The following FAAH2 variants were observed in gnomAD, a reference collection of about 807,000 sequenced individuals.
FAAH2 encodes fatty acid amide hydrolase 2.
Under a neutral mutation model 36.9 loss-of-function variants are expected in FAAH2, and 60 were observed. The observed-to-expected ratio is 1.63, with a 90% CI of 1.32 to 2.02. The LOEUF (loss-of-function observed/expected upper bound fraction) is 2.02. FAAH2 is among the 30% of genes most tolerant of loss of function. The pLI is 0.00. For synonymous variants in FAAH2, 214 were observed against 143.8 expected (o/e 1.49, Z -3.49); for missense variants, 689 against 397.5 (o/e 1.73, Z -6.23).
At chrX:57,190,188 T>C in the FAAH2 span, among the ~76,000 whole-genome samples, 1 of 109,627 alleles carries the variant, frequency 9.1e-6, no homozygotes, top group Admixed American at 9.9e-5. Context: ...CTTCCAGGCC[T>C]CCTTAGCGCT....
intron 7 of FAAH2, among the ~76,000 whole-genome samples, chrX:57,399,461 C>T (rs773595504): frequency 6.2e-5 from 7 of 112,009 alleles, no homozygotes; most frequent in Non-Finnish European, 1.1e-4. Flanking sequence ...TTGTGAGGTT[C>T]CCCATTCTCT....
At chrX:57,196,343 C>A in the FAAH2 span, among the ~76,000 whole-genome samples, 1 of 110,516 alleles carries the variant, frequency 9.0e-6, no homozygotes, top group Non-Finnish European at 1.9e-5. Flanking sequence ...TGATTGAGTT[C>A]TTGATTTGAT....
chrX:57,153,575 C>G, the FAAH2 span, among the ~76,000 whole-genome samples: 2 of 112,061 alleles, frequency 1.8e-5, no homozygotes, highest in Admixed American at 9.5e-5. Flanking sequence ...CAAATTCTCT[C>G]AGCTTTTGTT....
the FAAH2 span, among the ~76,000 whole-genome samples, chrX:57,238,891 G>A: frequency 9.0e-6 from 1 of 111,619 alleles, no homozygotes. Context: ...TGCAGTGTTA[G>A]GTTTTCTGTT....
chrX:57,164,210 G>C, the FAAH2 span, among the ~76,000 whole-genome samples: 1 of 112,245 alleles, frequency 8.9e-6, no homozygotes, highest in Non-Finnish European at 1.9e-5. Context: ...GACATACTGT[G>C]GGTACTGCAT....
chrX:57,485,649 T>A (rs1246996627), intron 10 of FAAH2, among the ~76,000 whole-genome samples: 2 of 112,101 alleles, frequency 1.8e-5, no homozygotes, highest in Non-Finnish European at 3.8e-5. Context: ...TTTCTTTAAC[T>A]ACCTTACCTT....
intron 5 of FAAH2, among the ~76,000 whole-genome samples, chrX:57,361,521 T>TC (rs1159649058): frequency 8.9e-6 from 1 of 111,819 alleles, no homozygotes; most frequent in Admixed American, 9.5e-5. Flanking sequence ...TAAGATTTTT[T>TC]CCTAAATTTC....
chrX:57,291,816 A>G (rs899009811), intron 1 of FAAH2, among the ~76,000 whole-genome samples: 6 of 111,508 alleles, frequency 5.4e-5, no homozygotes, highest in African/African-American at 1.6e-4. Context: ...CCCACCCAGG[A>G]TGTTTTACTT....
At chrX:57,323,112 C>G (rs2053084010) in intron 3 of FAAH2, among the ~76,000 whole-genome samples, 1 of 110,775 alleles carries the variant, frequency 9.0e-6, no homozygotes, top group African/African-American at 3.3e-5. Context: ...CAACAGTTTG[C>G]TGAGAATGAT....
intron 10 of FAAH2, among the ~76,000 whole-genome samples, chrX:57,478,274 T>C (rs1053239630): frequency 8.9e-6 from 1 of 111,842 alleles, no homozygotes; most frequent in African/African-American, 3.3e-5. Flanking sequence ...TTTTTTGGCT[T>C]CATAAATGTC....
chrX:57,355,110 G>A, intron 5 of FAAH2, among the ~76,000 whole-genome samples: 1 of 110,536 alleles, frequency 9.0e-6, no homozygotes, highest in Non-Finnish European at 1.9e-5. Flanking sequence ...ATGCACTTTT[G>A]TTATTTTAAA....
the FAAH2 span, among the ~76,000 whole-genome samples, chrX:57,247,122 A>G: frequency 9.0e-6 from 1 of 111,636 alleles, no homozygotes; most frequent in African/African-American, 3.2e-5. Context: ...TGCTTGACAT[A>G]TAGTTTGTAA....
intron 7 of FAAH2, among the ~76,000 whole-genome samples, chrX:57,403,250 G>A (rs757283639): frequency 4.5e-5 from 5 of 112,214 alleles, no homozygotes; most frequent in Non-Finnish European, 9.4e-5. Context: ...TTTTCCAATG[G>A]ACATTAGTCT....
chrX:57,258,796 C>T, the FAAH2 span, among the ~76,000 whole-genome samples: 1 of 106,584 alleles, frequency 9.4e-6, no homozygotes, highest in Non-Finnish European at 1.9e-5. Flanking sequence ...GCAAGCTCCG[C>T]CTCCTGGGTT....
chrX:57,434,330 A>C (rs1835699), intron 8 of FAAH2, among the ~76,000 whole-genome samples: 1 of 108,030 alleles, frequency 9.3e-6, no homozygotes, highest in Non-Finnish European at 1.9e-5. Flanking sequence ...AATCATGCTG[A>C]CCCCTAAAGT....
intron 7 of FAAH2, among the ~76,000 whole-genome samples, chrX:57,403,288 T>A (rs957219217): frequency 1.8e-5 from 2 of 112,360 alleles, no homozygotes; most frequent in African/African-American, 6.5e-5. Flanking sequence ...TCCTAATGCT[T>A]ATTCCTTTTC....
intron 5 of FAAH2, among the ~76,000 whole-genome samples, chrX:57,346,238 T>A (rs1280075081): frequency 9.0e-6 from 1 of 111,636 alleles, no homozygotes; most frequent in Non-Finnish European, 1.9e-5. Flanking sequence ...AATCTCCCAC[T>A]ATTATTGTGT....
intron 7 of FAAH2, among the ~76,000 whole-genome samples, chrX:57,426,246 T>G (rs1353181330): frequency 1.8e-5 from 2 of 111,800 alleles, no homozygotes; most frequent in Admixed American, 9.5e-5. Flanking sequence ...TAAGTATATA[T>G]GCACCCAGAA....
At chrX:57,347,486 C>A (rs2147080103) in intron 5 of FAAH2, among the ~76,000 whole-genome samples, 1 of 110,387 alleles carries the variant, frequency 9.1e-6, no homozygotes, top group East Asian at 2.8e-4. Flanking sequence ...TCCCTGGATT[C>A]CTTGGATTGG....
Sources: gnomAD v4.1 joint callset for allele counts (sites outside exome capture counted in the v4.1 genomes callset) on GRCh38, gnomAD v4.1.1 for gene constraint, MANE v1.5 for transcripts, NCBI Gene and HGNC (gene_info 2026-07-23, HGNC 2026-07-21) for gene names.